UNC5C: variants seen among roughly 807,000 people sequenced by gnomAD.
UNC5C encodes the protein unc-5 netrin receptor C.
Under a neutral mutation model 99.8 loss-of-function variants are expected in UNC5C, and 47 were observed. The observed-to-expected ratio is 0.47, with a 90% CI of 0.37 to 0.60. The LOEUF (loss-of-function observed/expected upper bound fraction) is 0.60. Among genes scored for constraint, UNC5C ranks in the 20% least tolerant of loss-of-function variants. The probability of loss-of-function intolerance (pLI) is 0.00; values close to 1 mark genes in which losing one functional copy is unlikely to be tolerated. For missense variants in UNC5C, 1,062 were observed against 1,165.9 expected, an observed-to-expected ratio of 0.91 and a Z score of 1.30; for synonymous variants, 487 against 452.2, an observed-to-expected ratio of 1.08 and a Z score of -0.98.
chr4:95,397,012 A>C (rs6821215), intron 1 of UNC5C, among the ~76,000 whole-genome samples: 8,901 of 152,146 alleles, frequency 0.059, 583 homozygotes, highest in African/African-American at 0.16. Context: ...GGTTTGATGC[A>C]TTCAGGGTCG....
At chr4:95,547,507 A>C (rs991387656) in intron 1 of UNC5C, among the ~76,000 whole-genome samples, 1 of 152,030 alleles carries the variant, frequency 6.6e-6, no homozygotes, top group Non-Finnish European at 1.5e-5. Context: ...TTACTCTCCA[A>C]ATTTGGAAGG....
In UNC5C at chr4:95,249,312, G is replaced by T. The variant is rs371935215; in HGVS notation, c.775+1175C>A. Among the ~76,000 whole-genome samples the T allele has an allele frequency of 5.3e-5, 8 of 152,246 alleles. No individual in the cohort carries two copies. The East Asian group carries it at 7.7e-4, about 15-fold the overall frequency. On this transcript the variant is annotated intron_variant, in intron 5 of 15. Transcript: ENST00000453304. ...CTATGAGCCACATACTTGCCAGTGG[G>T]TCTCCCCCTCCTTCAGTCAGTAAGA...
At position 95,265,901 on chromosome 4, in the gene UNC5C, A is replaced by G. The variant is rs973977574; in HGVS notation, c.594+12358T>C. ...GGTTGTAGGGGGATTTAAATGAGAT[A>G]CGAAAAGAAAGCACCTGGAATTAGG... On this transcript the variant is annotated intron_variant, in intron 4 of 15. Coordinates refer to ENST00000453304, the MANE Select transcript of UNC5C (RefSeq NM_003728.4). 2.6e-5 allele frequency among the ~76,000 whole-genome samples: 4 copies of G among 152,260 alleles called. No homozygotes were observed. In the South Asian group the frequency reaches 8.3e-4, roughly 32 times the overall value.
At chr4:95,262,821 T>TG (rs1560759121) in intron 4 of UNC5C, among the ~76,000 whole-genome samples, 1 of 147,982 alleles carries the variant, frequency 6.8e-6, no homozygotes, top group Non-Finnish European at 1.5e-5. Flanking sequence ...TTTCCCTATT[T>TG]TTTTTTTTTT....
chr4:95,175,243 A>G (rs1736287939), intron 14 of UNC5C, among the ~76,000 whole-genome samples: 1 of 151,836 alleles, frequency 6.6e-6, no homozygotes, highest in African/African-American at 2.4e-5. Flanking sequence ...GTCCATTTAC[A>G]TTTAAAGTTA....
At chr4:95,425,607 C>A (rs929609435) in intron 1 of UNC5C, among the ~76,000 whole-genome samples, 4 of 152,210 alleles carry the variant, frequency 2.6e-5, no homozygotes, top group African/African-American at 9.7e-5. Context: ...CCGCGCCCGG[C>A]CTTGTTAACT....
chr4:95,172,361 T>G (rs1397730801), intron 14 of UNC5C, among the ~76,000 whole-genome samples: 3 of 151,056 alleles, frequency 2.0e-5, no homozygotes, highest in African/African-American at 4.8e-5. Flanking sequence ...TCTAGGGTTT[T>G]TATGGTTTTA....
At position 95,274,899 on chromosome 4, in the gene UNC5C, G is replaced by A. The variant is rs531297340; in HGVS notation, c.594+3360C>T. Among the ~76,000 whole-genome samples the A allele has an allele frequency of 4.6e-5, 7 of 152,162 alleles. No individual in the cohort carries two copies. The East Asian group carries it at 5.8e-4, about 13-fold the overall frequency. ...AAACTAGCCATGCGTGGTGATGTGC[G>A]CCTGTAATTCCAGCTACCCAGAAGG... On this transcript the variant is annotated intron_variant, in intron 4 of 15. Transcript: ENST00000453304.
intron 14 of UNC5C, among the ~76,000 whole-genome samples, chr4:95,176,515 G>A: frequency 6.6e-6 from 1 of 152,102 alleles, no homozygotes; most frequent in Non-Finnish European, 1.5e-5. Context: ...TGAGGTGTCA[G>A]TCTGCCCCTG....
At chr4:95,515,671 T>C (rs1253633792) in intron 1 of UNC5C, among the ~76,000 whole-genome samples, 2 of 152,230 alleles carry the variant, frequency 1.3e-5, no homozygotes, top group Admixed American at 6.5e-5. Flanking sequence ...ATGTTCAACA[T>C]AGATCCAACA....
At chr4:95,397,962 A>G (rs1388452665) in intron 1 of UNC5C, among the ~76,000 whole-genome samples, 3 of 151,178 alleles carry the variant, frequency 2.0e-5, no homozygotes, top group Non-Finnish European at 4.4e-5. Flanking sequence ...CAATGTGTCC[A>G]GTCCTACATC....
At position 95,446,797 on chromosome 4, in the gene UNC5C, G is replaced by A. The variant is rs190108731; in HGVS notation, c.124+101937C>T. On this transcript the variant is annotated intron_variant, in intron 1 of 15. Transcript: ENST00000453304. The stretch of plus-strand genomic sequence containing the variant: ...AATATAAATTTCTTTAAAAAAATCC[G>A]TTCATTTTCTGCGATTATCTGGTTT... Among the ~76,000 whole-genome samples the A allele has an allele frequency of 5.8e-3, 887 of 152,160 alleles. 13 individuals are homozygous for A. The highest frequency in any genetic ancestry group is 0.02 in the African/African-American group (822 of 41,508).
At chr4:95,309,261 T>G (rs1742184091) in intron 2 of UNC5C, among the ~76,000 whole-genome samples, 1 of 152,020 alleles carries the variant, frequency 6.6e-6, no homozygotes, top group Non-Finnish European at 1.5e-5. Context: ...CCTTAACTCA[T>G]ACCATATACA....
At chr4:95,462,699 T>C (rs1252602295) in intron 1 of UNC5C, among the ~76,000 whole-genome samples, 1 of 152,194 alleles carries the variant, frequency 6.6e-6, no homozygotes, top group African/African-American at 2.4e-5. Flanking sequence ...GTGTCCTGGG[T>C]TTATGTAGCA....
At chr4:95,451,465 C>T (rs1261108785) in intron 1 of UNC5C, among the ~76,000 whole-genome samples, 1 of 152,078 alleles carries the variant, frequency 6.6e-6, no homozygotes, top group Non-Finnish European at 1.5e-5. Flanking sequence ...GATATCTTAA[C>T]CATAAGTCAA....
At chr4:95,344,705 G>A (rs1743706183) in intron 1 of UNC5C, among the ~76,000 whole-genome samples, 1 of 152,058 alleles carries the variant, frequency 6.6e-6, no homozygotes, top group South Asian at 2.1e-4. Flanking sequence ...AGGGGACAAA[G>A]TTAAAGTGTA....
chr4:95,342,101 T>TGGGC (rs1743600847), intron 1 of UNC5C, among the ~76,000 whole-genome samples: 1 of 152,126 alleles, frequency 6.6e-6, no homozygotes, highest in Non-Finnish European at 1.5e-5. Context: ...CTACAATTCT[T>TGGGC]GGGCAAATAA....
chr4:95,324,925 A>G (rs1163875537), intron 2 of UNC5C, among the ~76,000 whole-genome samples: 1 of 152,300 alleles, frequency 6.6e-6, no homozygotes, highest in Non-Finnish European at 1.5e-5. Flanking sequence ...CAGCAGCCCA[A>G]ATGGATTAAG....
intron 1 of UNC5C, among the ~76,000 whole-genome samples, chr4:95,359,290 A>G (rs1030823821): frequency 2.0e-5 from 3 of 152,172 alleles, no homozygotes; most frequent in African/African-American, 7.2e-5. Context: ...CTACTTCTAC[A>G]TTGTACAAAT....
Sources: gnomAD v4.1 joint callset for allele counts (sites outside exome capture counted in the v4.1 genomes callset) on GRCh38, gnomAD v4.1.1 for gene constraint, MANE v1.5 for transcripts, NCBI Gene and HGNC (gene_info 2026-07-23, HGNC 2026-07-21) for gene names.